The following RPTOR variants were observed in gnomAD, a reference collection of about 807,000 sequenced individuals.
The protein encoded by RPTOR is regulatory associated protein of MTOR complex 1, also known as regulatory-associated protein of mTOR.
RPTOR carries 21 observed loss-of-function variants against 169.9 expected under a neutral mutation model. The ratio of observed to expected loss-of-function variants is 0.12; its 90% CI spans 0.09 to 0.18. The LOEUF is 0.18. Among genes scored for constraint, RPTOR ranks in the 10% least tolerant of loss-of-function variants. RPTOR has a pLI of 1.00. For synonymous variants in RPTOR, 732 were observed against 753.2 expected, an observed-to-expected ratio of 0.97 and a Z score of 0.46; for missense variants, 1,133 against 1,855.9, an observed-to-expected ratio of 0.61 and a Z score of 7.16.
chr17:80,587,605 G>T (rs1420682735), intron 1 of RPTOR, among the ~76,000 whole-genome samples: 2 of 152,126 alleles, frequency 1.3e-5, no homozygotes, highest in African/African-American at 4.8e-5. Context: ...TTTTTACTGT[G>T]TTCATTCCTG....
chr17:80,712,810 C>T (rs936380607), intron 4 of RPTOR, among the ~76,000 whole-genome samples: 3 of 152,158 alleles, frequency 2.0e-5, no homozygotes, highest in Admixed American at 2.0e-4. Context: ...ATCTGTTGCT[C>T]CACATGCTCA....
intron 5 of RPTOR, among the ~76,000 whole-genome samples, chr17:80,733,779 C>T (rs374035076): frequency 1.3e-5 from 2 of 152,332 alleles, no homozygotes; most frequent in Non-Finnish European, 1.5e-5. Context: ...GAAGAGGCTG[C>T]GTCACTCACG....
At chr17:80,654,993 A>G (rs1489066065) in intron 3 of RPTOR, among the ~76,000 whole-genome samples, 1 of 152,254 alleles carries the variant, frequency 6.6e-6, no homozygotes, top group East Asian at 1.9e-4. Flanking sequence ...TTCCTCTTCT[A>G]ATCCTCCTCC....
At chr17:80,742,448 TACAC>T (rs10558917) in intron 5 of RPTOR, among the ~76,000 whole-genome samples, 1 of 150,882 alleles carries the variant, frequency 6.6e-6, no homozygotes, top group Non-Finnish European at 1.5e-5. Context: ...GAGGAGCAGG[TACAC>T]ACACACACAC....
intron 3 of RPTOR, among the ~76,000 whole-genome samples, chr17:80,671,782 CCTT>C (rs1360989503): frequency 1.3e-5 from 2 of 152,110 alleles, no homozygotes; most frequent in Admixed American, 6.6e-5. Flanking sequence ...AGTAGAATCA[CCTT>C]CTCAGTTTTG....
intron 1 of RPTOR, among the ~76,000 whole-genome samples, chr17:80,617,101 C>T (rs1381777307): frequency 2.6e-5 from 4 of 152,030 alleles, no homozygotes; most frequent in Admixed American, 6.6e-5. Flanking sequence ...ATAGAAATAA[C>T]ATGTTTATGG....
At chr17:80,799,542 CTT>C (rs1160590037) in intron 7 of RPTOR, among the ~76,000 whole-genome samples, 2 of 152,366 alleles carry the variant, frequency 1.3e-5, no homozygotes, top group East Asian at 3.9e-4. Context: ...GAATACCTCT[CTT>C]GCCACTAAGT....
In RPTOR at chr17:80,892,850, C is replaced by T. The variant is rs1440629969; in HGVS notation, c.2223C>T (p.Asn741=). The T allele has an allele frequency of 1.2e-6, 2 of 1,613,992 alleles. No homozygotes were observed. Among genetic ancestry groups the T allele is most frequent in the Admixed American group, 1.7e-5 (1 of 59,996 alleles). ...GGAGCCTCAACAAATCTTTGCAGAA[C>T]CTGAGTTTGACAGAGGAATGTAAGA... The part of the protein sequence containing the change: ...TARSLNKSLQ[N]LSLTEESGGA... Residue 741 remains asparagine (N), a synonymous_variant, in exon 19 of 34, where the codon AAC becomes AAT. Transcript: ENST00000306801.
At chr17:80,946,977 A>C (rs184668541) in intron 26 of RPTOR, among the ~76,000 whole-genome samples, 3 of 151,902 alleles carry the variant, frequency 2.0e-5, no homozygotes, top group Admixed American at 6.6e-5. Flanking sequence ...CAGCACTATT[A>C]TTCTCTCTTT....
chr17:80,950,955 G>T (rs1361593379), intron 28 of RPTOR, among the ~76,000 whole-genome samples: 29 of 152,326 alleles, frequency 1.9e-4, no homozygotes, highest in Admixed American at 5.9e-4. Flanking sequence ...CCTTTCTCTT[G>T]TTTGCTTTTG....
intron 10 of RPTOR, among the ~76,000 whole-genome samples, chr17:80,842,154 A>C (rs745767304): frequency 6.6e-6 from 1 of 152,226 alleles, no homozygotes; most frequent in Non-Finnish European, 1.5e-5. Flanking sequence ...TTCAGTTTTC[A>C]GTCCTCACTA....
chr17:80,568,322 A>G (rs2064867887), intron 1 of RPTOR, among the ~76,000 whole-genome samples: 1 of 152,112 alleles, frequency 6.6e-6, no homozygotes, highest in South Asian at 2.1e-4. Context: ...TATTTTGGTC[A>G]CATGTTTTCT....
intron 23 of RPTOR, among the ~76,000 whole-genome samples, chr17:80,924,413 A>AT (rs1309288647): frequency 6.6e-6 from 1 of 152,012 alleles, no homozygotes; most frequent in Non-Finnish European, 1.5e-5. Flanking sequence ...TAATCCAGTG[A>AT]TTTTAAAAGA....
intron 1 of RPTOR, among the ~76,000 whole-genome samples, chr17:80,575,722 G>C (rs1041338732): frequency 6.6e-6 from 1 of 152,178 alleles, no homozygotes; most frequent in Admixed American, 6.5e-5. Flanking sequence ...TGTCCATTAA[G>C]TCAAATATTT....
intron 20 of RPTOR, among the ~76,000 whole-genome samples, chr17:80,896,668 C>T (rs897720793): frequency 1.3e-5 from 2 of 152,216 alleles, no homozygotes; most frequent in Admixed American, 1.3e-4. Flanking sequence ...CTTGGCCGCT[C>T]TTAGCCCTTT....
chr17:80,579,471 C>T (rs759885009), intron 1 of RPTOR, among the ~76,000 whole-genome samples: 7 of 152,216 alleles, frequency 4.6e-5, no homozygotes, highest in East Asian at 1.9e-4. Context: ...GGATCATAGG[C>T]GTGAGCCACC....
intron 1 of RPTOR, among the ~76,000 whole-genome samples, chr17:80,561,747 C>G (rs2084499098): frequency 6.6e-6 from 1 of 152,090 alleles, no homozygotes; most frequent in African/African-American, 2.4e-5. Flanking sequence ...TGGCATTTTA[C>G]AAAGATCCCT....
At chr17:80,709,373 T>A (rs1302743122) in intron 4 of RPTOR, among the ~76,000 whole-genome samples, 1 of 152,184 alleles carries the variant, frequency 6.6e-6, no homozygotes, top group East Asian at 1.9e-4. Context: ...GAATTTGAAT[T>A]TGTCCTTCCC....
intron 3 of RPTOR, among the ~76,000 whole-genome samples, chr17:80,674,744 C>G (rs890782819): frequency 7.8e-6 from 1 of 127,768 alleles, no homozygotes; most frequent in South Asian, 2.6e-4. Context: ...GCCGAGATAG[C>G]GCCACTGCAC....
Sources: gnomAD v4.1 joint callset for allele counts (sites outside exome capture counted in the v4.1 genomes callset) on GRCh38, gnomAD v4.1.1 for gene constraint, MANE v1.5 for transcripts, NCBI Gene and HGNC (gene_info 2026-07-23, HGNC 2026-07-21) for gene names.